The following ADAM23 variants were observed in gnomAD, a reference collection of about 807,000 sequenced individuals.
ADAM23 encodes ADAM metallopeptidase domain 23, also known as disintegrin and metalloproteinase domain-containing protein 23.
In ADAM23, 33 loss-of-function variants were observed where a neutral mutation model predicts 120.1. That is an observed-to-expected ratio of 0.27 (90% confidence interval 0.21 to 0.37). The LOEUF is 0.37. Among genes scored for constraint, ADAM23 ranks in the 10% least tolerant of loss-of-function variants. The pLI, the probability that ADAM23 is intolerant of heterozygous loss-of-function variation, is 1.00. For missense variants in ADAM23, 862 were observed against 1,058.2 expected (o/e 0.81, Z 2.57); for synonymous variants, 367 against 375.2 (o/e 0.98, Z 0.25).
In ADAM23 at chr2:206,443,933, T is replaced by G; in HGVS notation, c.67T>G (p.Cys23Gly). The G allele has an allele frequency of 2.4e-6, 3 of 1,240,670 alleles. No homozygotes were observed. Among genetic ancestry groups the G allele is most frequent in the Non-Finnish European group, 3.0e-6 (3 of 996,518 alleles). The allele number at this position is 1,240,670 out of a possible 1,614,324, so 76.9% of individuals were successfully genotyped here. Reference protein sequence around the residue: ...LAGCSLAGASCGPQRGPAGSV... With the variant: ...LAGCSLAGASGGPQRGPAGSV... ...GGGCTGCAGCCTTGCCGGCGCTTCC[T>G]GCGGCCCCCAACGCGGCCCCGCCGG... Residue 23 changes from cysteine (C) to glycine (G), a missense_variant, in exon 1 of 26, where the codon TGC becomes GGC. Around this residue, in one of 4 missense-constraint regions of ADAM23, gnomAD observed 225 missense variants for 204.0 expected, o/e 1.10. Transcript: ENST00000264377.
At chr2:206,577,776 C>A (rs1698144156) in intron 18 of ADAM23, among the ~76,000 whole-genome samples, 1 of 151,240 alleles carries the variant, frequency 6.6e-6, no homozygotes, top group South Asian at 2.1e-4. Context: ...GGGTATATAC[C>A]CAGTAATGGG....
intron 25 of ADAM23, among the ~76,000 whole-genome samples, chr2:206,614,413 C>A (rs1259217010): frequency 6.2e-5 from 2 of 32,506 alleles, no homozygotes; most frequent in Non-Finnish European, 1.2e-4. Context: ...TGCCTGTAAT[C>A]CCAGGCTGAG....
intron 6 of ADAM23, among the ~76,000 whole-genome samples, chr2:206,545,796 A>T (rs1697385978): frequency 6.6e-6 from 1 of 152,174 alleles, no homozygotes. Context: ...TGTACAGCAA[A>T]ATTATTCGAC....
At chr2:206,607,050 T>G (rs896500033) in intron 24 of ADAM23, 4 of 152,192 alleles carry the variant, frequency 2.6e-5, no homozygotes, top group African/African-American at 9.7e-5. Flanking sequence ...AAAATAGCAT[T>G]AAGAGGGAAG....
chr2:206,502,964 A>G (rs1382719345), intron 3 of ADAM23, among the ~76,000 whole-genome samples: 1 of 152,164 alleles, frequency 6.6e-6, no homozygotes, highest in East Asian at 1.9e-4. Context: ...GCTCTCCACA[A>G]CCACAAGCCA....
intron 3 of ADAM23, among the ~76,000 whole-genome samples, chr2:206,484,421 T>C (rs1695962115): frequency 6.6e-6 from 1 of 152,184 alleles, no homozygotes; most frequent in Admixed American, 6.5e-5. Context: ...CTGGTGTTGT[T>C]TTTTATATTT....
chr2:206,557,887 G>T (rs1237593714), intron 10 of ADAM23, among the ~76,000 whole-genome samples: 1 of 152,088 alleles, frequency 6.6e-6, no homozygotes, highest in South Asian at 2.1e-4. Context: ...ATGGATTGAA[G>T]CAGAGTATGT....
chr2:206,589,825 T>C (rs1236574151), intron 21 of ADAM23, among the ~76,000 whole-genome samples: 1 of 152,218 alleles, frequency 6.6e-6, no homozygotes, highest in Non-Finnish European at 1.5e-5. Flanking sequence ...CTTTTAATTT[T>C]CTACTTTTAC....
chr2:206,513,486 GCAGAAGAAAAGT>G (rs1696669038), intron 3 of ADAM23, among the ~76,000 whole-genome samples: 2 of 152,194 alleles, frequency 1.3e-5, no homozygotes, highest in African/African-American at 4.8e-5. Flanking sequence ...TGAAAAAGCT[GCAGAAGAAAAGT>G]TTGAAGCTAG....
chr2:206,510,409 A>G (rs1389453591), intron 3 of ADAM23, among the ~76,000 whole-genome samples: 1 of 152,190 alleles, frequency 6.6e-6, no homozygotes, highest in Non-Finnish European at 1.5e-5. Context: ...GAAGAAATTT[A>G]TATACTAAGA....
chr2:206,597,707 T>C (rs1698556929), intron 24 of ADAM23, among the ~76,000 whole-genome samples: 1 of 152,208 alleles, frequency 6.6e-6, no homozygotes, highest in African/African-American at 2.4e-5. Context: ...TGCTAACAGT[T>C]TTTTTGTAAC....
intron 4 of ADAM23, among the ~76,000 whole-genome samples, chr2:206,536,618 T>A (rs933098126): frequency 1.3e-5 from 2 of 152,178 alleles, no homozygotes; most frequent in Non-Finnish European, 2.9e-5. Flanking sequence ...AACGTAACTG[T>A]GAGGTAGAAA....
chr2:206,495,209 A>G (rs970207022), intron 3 of ADAM23, among the ~76,000 whole-genome samples: 2 of 152,206 alleles, frequency 1.3e-5, no homozygotes, highest in African/African-American at 2.4e-5. Context: ...AGATTTCACC[A>G]AAGTTGAAAT....
Position 206,588,184 on chromosome 2 carries a change from C to T in ADAM23, c.1852+30C>T. ...GTCGCACCTCCTTGCTTGGCGGTTA[C>T]ACATACCATTTTCTCTTAATAGTGT... On this transcript the variant is annotated intron_variant, in intron 20 of 25. Transcript: ENST00000264377. 8 of 1,609,294 alleles carry T rather than the reference C, an allele frequency of 5.0e-6. No homozygotes were observed. The South Asian group carries it at 7.7e-5, about 15-fold the overall frequency.
chr2:206,614,576 C>T (rs975848346), intron 25 of ADAM23, among the ~76,000 whole-genome samples: 1 of 151,812 alleles, frequency 6.6e-6, no homozygotes, highest in East Asian at 1.9e-4. Flanking sequence ...CCCTTGAACC[C>T]GGGAGACGGA....
intron 3 of ADAM23, among the ~76,000 whole-genome samples, chr2:206,510,948 CTT>C (rs1696611012): frequency 3.9e-5 from 6 of 152,110 alleles, no homozygotes; most frequent in Non-Finnish European, 7.4e-5. Context: ...AAATTCAAGT[CTT>C]TCTTTGATTT....
intron 3 of ADAM23, among the ~76,000 whole-genome samples, chr2:206,505,972 T>C (rs1435096814): frequency 6.6e-6 from 1 of 152,218 alleles, no homozygotes; most frequent in Non-Finnish European, 1.5e-5. Context: ...GTGGGATTTT[T>C]GTGGGTGACA....
chr2:206,592,356 G>A (rs1277561164), intron 21 of ADAM23, among the ~76,000 whole-genome samples: 2 of 152,130 alleles, frequency 1.3e-5, no homozygotes, highest in Non-Finnish European at 2.9e-5. Flanking sequence ...TGGGCGTCGA[G>A]AATGGGAGTA....
rs187970594 is a variant in ADAM23, at chr2:206,581,747, A to C, written c.1738-5578A>C. Among the ~76,000 whole-genome samples, 507 of 152,310 alleles carry C rather than the reference A, an allele frequency of 3.3e-3. 3 individuals are homozygous for C. Among genetic ancestry groups the C allele is most frequent in the African/African-American group, 0.011 (477 of 41,576 alleles). ...ATATCTGTTAAGTCCATTTGTTCCA[A>C]GGTATGGTGTAAATCCATTGTTTCT... On this transcript the variant is annotated intron_variant, in intron 18 of 25. Transcript: ENST00000264377.
Sources: gnomAD v4.1 joint callset for allele counts (sites outside exome capture counted in the v4.1 genomes callset) on GRCh38, gnomAD v4.1.1 for gene constraint, gnomAD v4.1.1 regional missense constraint, MANE v1.5 for transcripts, NCBI Gene and HGNC (gene_info 2026-07-23, HGNC 2026-07-21) for gene names.